ADAMTS3: variants seen among roughly 807,000 people sequenced by gnomAD.
ADAMTS3 encodes ADAM metallopeptidase with thrombospondin type 1 motif 3.
Under a neutral mutation model 129.0 loss-of-function variants are expected in ADAMTS3, and 73 were observed. The observed-to-expected ratio is 0.57, with a 90% CI of 0.47 to 0.69. The LOEUF (loss-of-function observed/expected upper bound fraction) is 0.69, where lower values mean the gene tolerates loss of function less well. ADAMTS3 is among the 30% of genes least tolerant of loss of function. The pLI is 0.00. For missense variants in ADAMTS3, 1,457 were observed against 1,514.5 expected, an observed-to-expected ratio of 0.96 and a Z score of 0.63; for synonymous variants, 477 against 510.8, an observed-to-expected ratio of 0.93 and a Z score of 0.89.
At chr4:72,483,950 G>A (rs756317014) in intron 3 of ADAMTS3, among the ~76,000 whole-genome samples, 14 of 152,054 alleles carry the variant, frequency 9.2e-5, no homozygotes, top group Non-Finnish European at 1.5e-4. Flanking sequence ...CCCAGGAGGC[G>A]GAACTTGCGG....
At chr4:72,314,494 C>T (rs950883800) in intron 11 of ADAMTS3, among the ~76,000 whole-genome samples, 1 of 152,134 alleles carries the variant, frequency 6.6e-6, no homozygotes, top group Admixed American at 6.6e-5. Flanking sequence ...TGGCATGGTG[C>T]TCAAGAGACA....
At chr4:72,423,206 G>C (rs1390900256) in intron 3 of ADAMTS3, among the ~76,000 whole-genome samples, 1 of 152,060 alleles carries the variant, frequency 6.6e-6, no homozygotes, top group Non-Finnish European at 1.5e-5. Context: ...AATTGCAGCT[G>C]AAACTAAATA....
At chr4:72,377,591 C>T (rs1409673765) in intron 4 of ADAMTS3, among the ~76,000 whole-genome samples, 1 of 152,158 alleles carries the variant, frequency 6.6e-6, no homozygotes, top group Non-Finnish European at 1.5e-5. Flanking sequence ...CAGCATTTTC[C>T]AAAGCTGCGT....
At chr4:72,309,544 T>C (rs1403909912) in intron 14 of ADAMTS3, 24 bp from the exon 15 acceptor site, 4 of 1,609,670 alleles carry the variant, frequency 2.5e-6, no homozygotes, top group African/African-American at 1.3e-5. Context: ...ATGTCAAATG[T>C]GGCTAATTTT....
In ADAMTS3 at chr4:72,309,345, A is replaced by G. The variant is rs1364903578; in HGVS notation, c.2179+52T>C. On this transcript the variant is annotated intron_variant, in intron 15 of 21. Transcript: ENST00000286657. The stretch of plus-strand genomic sequence containing the variant: ...GCATTTCTAAAGGAAGAAGCCTCAA[A>G]AAGTACAAATCACAGAGAAGAATAC... 1.9e-6 allele frequency: 3 copies of G among 1,587,272 alleles called. No homozygotes were observed. In the Admixed American group the frequency reaches 5.1e-5, roughly 27 times the overall value.
At chr4:72,470,378 C>CATAT in intron 3 of ADAMTS3, among the ~76,000 whole-genome samples, 2 of 122,006 alleles carry the variant, frequency 1.6e-5, no homozygotes, top group South Asian at 5.5e-4. Context: ...TATATATATA[C>CATAT]ACACACACAC....
At chr4:72,322,442 T>C (rs1483902592) in intron 6 of ADAMTS3, among the ~76,000 whole-genome samples, 47 of 152,342 alleles carry the variant, frequency 3.1e-4, no homozygotes, top group Non-Finnish European at 4.4e-5. Flanking sequence ...GCCTACTATG[T>C]GCATTTTTAT....
chr4:72,476,242 A>G (rs1719228838), intron 3 of ADAMTS3, among the ~76,000 whole-genome samples: 1 of 152,042 alleles, frequency 6.6e-6, no homozygotes, highest in Non-Finnish European at 1.5e-5. Flanking sequence ...AGACTGACAA[A>G]GAAGAAAGGA....
chr4:72,322,950 AT>A, intron 6 of ADAMTS3, 63 bp downstream of exon 6: 1 of 1,283,798 alleles, frequency 7.8e-7, no homozygotes. Context: ...AGCTTGAACA[AT>A]TTAGTCTTCT....
intron 5 of ADAMTS3, among the ~76,000 whole-genome samples, chr4:72,335,329 C>T (rs983665691): frequency 6.6e-6 from 1 of 152,098 alleles, no homozygotes; most frequent in Non-Finnish European, 1.5e-5. Context: ...TTACCGCATT[C>T]ATACGCACAG....
chr4:72,470,507 T>C (rs911080886), intron 3 of ADAMTS3, among the ~76,000 whole-genome samples: 1 of 151,140 alleles, frequency 6.6e-6, no homozygotes, highest in Non-Finnish European at 1.5e-5. Context: ...TACACACACA[T>C]TCTTAAAATT....
chr4:72,466,525 C>T (rs907292880), intron 3 of ADAMTS3, among the ~76,000 whole-genome samples: 8 of 152,090 alleles, frequency 5.3e-5, no homozygotes, highest in Admixed American at 2.6e-4. Flanking sequence ...ATTCTGAAGG[C>T]GGAGCAAACA....
chr4:72,348,991 C>T (rs1720359698), intron 4 of ADAMTS3, among the ~76,000 whole-genome samples: 1 of 151,862 alleles, frequency 6.6e-6, no homozygotes, highest in South Asian at 2.1e-4. Context: ...AGTCCAGCCA[C>T]CTTAGACTTC....
chr4:72,495,324 A>C (rs1719848348), intron 3 of ADAMTS3, among the ~76,000 whole-genome samples: 1 of 152,122 alleles, frequency 6.6e-6, no homozygotes, highest in Admixed American at 6.5e-5. Context: ...TGGCTGGAAA[A>C]GAGAGAAATG....
intron 5 of ADAMTS3, among the ~76,000 whole-genome samples, chr4:72,339,128 T>C (rs1720062498): frequency 6.6e-6 from 1 of 152,202 alleles, no homozygotes; most frequent in South Asian, 2.1e-4. Flanking sequence ...AAAGAACTAT[T>C]TCATCCTTCA....
chr4:72,369,758 C>CA (rs377336677), intron 4 of ADAMTS3, among the ~76,000 whole-genome samples: 11,885 of 130,136 alleles, frequency 0.091, 1,503 homozygotes, highest in African/African-American at 0.29. Context: ...AGACAAAGTA[C>CA]AAAAAAAAAA....
chr4:72,421,875 C>T (rs1055596598), intron 3 of ADAMTS3, among the ~76,000 whole-genome samples: 2 of 152,042 alleles, frequency 1.3e-5, no homozygotes, highest in Admixed American at 1.3e-4. Flanking sequence ...CTGTCCTATA[C>T]ATACTTAAGA....
chr4:72,500,953 T>A (rs1026742187), intron 3 of ADAMTS3, among the ~76,000 whole-genome samples: 2 of 152,154 alleles, frequency 1.3e-5, no homozygotes, highest in Non-Finnish European at 2.9e-5. Context: ...GAGTTCTCTA[T>A]TTTGTTCCAT....
Position 72,499,720 on chromosome 4 carries a change from G to A in ADAMTS3, c.504+48758C>T, listed in dbSNP as rs556914547. ...TGAGGTTTGAGGTACAATTGATCCC[G>A]TCACCCAGATACTGAGCACAATGCC... On this transcript the variant is annotated intron_variant, in intron 3 of 21. Coordinates refer to ENST00000286657, the MANE Select transcript of ADAMTS3 (RefSeq NM_014243.3). Among the ~76,000 whole-genome samples, 19 of 152,072 alleles carry A rather than the reference G, an allele frequency of 1.2e-4. No individual in the cohort carries two copies. The South Asian group carries it at 2.9e-3, about 23-fold the overall frequency.
Sources: gnomAD v4.1 joint callset for allele counts (sites outside exome capture counted in the v4.1 genomes callset) on GRCh38, gnomAD v4.1.1 for gene constraint, MANE v1.5 for transcripts, NCBI Gene and HGNC (gene_info 2026-07-23, HGNC 2026-07-21) for gene names.